LAMA3: variants seen among roughly 807,000 people sequenced by gnomAD.
LAMA3 encodes laminin subunit alpha 3.
A neutral mutation model predicts 402.0 loss-of-function variants in LAMA3; 281 were observed. The ratio of observed to expected loss-of-function variants is 0.70; its 90% CI spans 0.63 to 0.77. LAMA3 has a LOEUF of 0.77. Among genes scored for constraint, LAMA3 ranks in the 30% least tolerant of loss-of-function variants. LAMA3 has a pLI of 0.00. For synonymous variants in LAMA3, 1,431 were observed against 1,558.4 expected, an observed-to-expected ratio of 0.92 and a Z score of 1.93; for missense variants, 3,840 against 4,215.5, an observed-to-expected ratio of 0.91 and a Z score of 2.47.
At chr18:23,749,724 T>C (rs1333146508) in intron 4 of LAMA3, among the ~76,000 whole-genome samples, 178 bp downstream of exon 4, 1 of 152,144 alleles carries the variant, frequency 6.6e-6, no homozygotes, top group East Asian at 1.9e-4. Flanking sequence ...ATGAGCCAGG[T>C]TGGAAATTCT....
At chr18:23,863,796 A>T (rs765171218) in intron 35 of LAMA3, among the ~76,000 whole-genome samples, 10 of 152,096 alleles carry the variant, frequency 6.6e-5, no homozygotes, top group African/African-American at 9.7e-5. Flanking sequence ...TCCTTCTGTC[A>T]CTTCTTCCTT....
intron 25 of LAMA3, among the ~76,000 whole-genome samples, chr18:23,838,154 G>T (rs1056525138): frequency 6.6e-6 from 1 of 152,136 alleles, no homozygotes; most frequent in Non-Finnish European, 1.5e-5. Context: ...AGTCTCAGTG[G>T]TATTCACCAA....
At position 23,903,031 on chromosome 18, in the gene LAMA3, C is replaced by T. The variant is rs1174512482; in HGVS notation, c.6224C>T (p.Ser2075Phe). The T allele has an allele frequency of 1.9e-6, 3 of 1,609,002 alleles. No individual in the cohort carries two copies. The highest frequency in any genetic ancestry group is 2.2e-5 in the East Asian group (1 of 44,842). ...AIQRQVKEIN[S>F]LQSDFTKYLT... ...CAGAGACAAGTGAAAGAAATAAATT[C>T]CCTGCAGAGTGATTTCACCAAGTAT... Residue 2075 changes from serine (S) to phenylalanine (F), a missense_variant, in exon 49 of 75, where the codon TCC becomes TTC. Physicochemically the swap from Ser to Phe is radical, Grantham distance 155. This residue lies in a region of LAMA3 where 891 missense variants were observed against 857.5 expected (regional missense o/e 1.04). Coordinates refer to ENST00000313654, the MANE Select transcript of LAMA3 (RefSeq NM_198129.4).
chr18:23,751,089 G>T lies in LAMA3; in HGVS notation c.855+1G>T. On this transcript the variant is annotated splice_donor_variant, in intron 5 of 74. Transcript: ENST00000313654. LOFTEE classifies it high-confidence loss of function. ...GCGAGATCCAACTGTCACTCGGCGG[G>T]TGAGTAGTCAGAGCATTTGTTTTGT... The T allele has an allele frequency of 6.2e-7, 1 of 1,614,114 alleles. No homozygotes were observed. The highest frequency in any genetic ancestry group is 8.5e-7 in the Non-Finnish European group (1 of 1,179,970).
Position 23,931,097 on chromosome 18 carries a change from C to T in LAMA3, c.8472C>T (p.Tyr2824=). The T allele has an allele frequency of 6.2e-7, 1 of 1,613,732 alleles. No individual in the cohort carries two copies. The highest frequency in any genetic ancestry group is 2.2e-5 in the East Asian group (1 of 44,890). The change falls in exon 65 of 75, where the codon TAC becomes TAT. Residue 2824 remains tyrosine, a synonymous_variant. Transcript: ENST00000313654. ...TGCAGGTCACTCTGGAAGATGGTTA[C>T]ATTGAATTGAGCACCAGCGATAGCG... ...RNLQVTLEDG[Y]IELSTSDSGG...
chr18:23,952,415 T>C (rs2082948167), intron 73 of LAMA3, among the ~76,000 whole-genome samples: 1 of 152,238 alleles, frequency 6.6e-6, no homozygotes, highest in Non-Finnish European at 1.5e-5. Flanking sequence ...TCAAAAAGAA[T>C]CTGTTATTTT....
chr18:23,790,341 G>A (rs1431098057), intron 12 of LAMA3, among the ~76,000 whole-genome samples: 1 of 152,222 alleles, frequency 6.6e-6, no homozygotes, highest in East Asian at 1.9e-4. Flanking sequence ...CATCATAAGT[G>A]TAGAGAAAAT....
Position 23,839,674 on chromosome 18 carries a change from C to A in LAMA3, c.3192-111C>A. The A allele has an allele frequency of 9.0e-7, 1 of 1,116,106 alleles. No individual in the cohort carries two copies. The highest frequency in any genetic ancestry group is 1.4e-6 in the Non-Finnish European group (1 of 738,720). The allele number at this position is 1,116,106 out of a possible 1,614,324, so 69.1% of individuals were successfully genotyped here. ...TTCTGTGCTTCCCCCAGCACTGGAT[C>A]CTTTTGATGCCCATGCAGTCCTATG... On this transcript the variant is annotated intron_variant, in intron 26 of 74. Coordinates refer to ENST00000313654, the MANE Select transcript of LAMA3 (RefSeq NM_198129.4). The surrounding 1 kb of genome is among the most constrained non-coding windows in gnomAD (Gnocchi z 4.5).
intron 12 of LAMA3, among the ~76,000 whole-genome samples, chr18:23,788,899 T>G (rs972057368): frequency 5.3e-5 from 8 of 151,404 alleles, no homozygotes; most frequent in African/African-American, 1.7e-4. Flanking sequence ...TATACACACA[T>G]ATATATAATA....
chr18:23,899,657 C>A (rs1473173756), intron 47 of LAMA3: 1 of 540,602 alleles, frequency 1.8e-6, no homozygotes, highest in African/African-American at 1.9e-5. Flanking sequence ...TAACAGCTTA[C>A]CATCATGCAA....
At chr18:23,872,967 G>A (rs1598968741) in intron 38 of LAMA3, 1 of 1,581,570 alleles carries the variant, frequency 6.3e-7, no homozygotes, top group Non-Finnish European at 8.6e-7. Context: ...AGGCAGGCCC[G>A]GGCACTGAGC....
At chr18:23,812,224 T>G (rs952753628) in intron 13 of LAMA3, among the ~76,000 whole-genome samples, 2 of 152,124 alleles carry the variant, frequency 1.3e-5, no homozygotes, top group African/African-American at 4.8e-5. Flanking sequence ...TGCCTGTCAT[T>G]CCAGCTCCTC....
intron 18 of LAMA3, among the ~76,000 whole-genome samples, chr18:23,819,041 C>A (rs2063230983): frequency 6.6e-6 from 1 of 152,168 alleles, no homozygotes; most frequent in East Asian, 1.9e-4. Context: ...TTGTAAATTG[C>A]TTCCAGAAAA....
chr18:23,741,974 TA>T (rs1042689722), intron 2 of LAMA3, among the ~76,000 whole-genome samples: 48 of 152,092 alleles, frequency 3.2e-4, no homozygotes, highest in African/African-American at 1.1e-3. Flanking sequence ...ATACAAAAAT[TA>T]GCTGGGCATG....
At chr18:23,735,903 G>A (rs1442240810) in intron 2 of LAMA3, among the ~76,000 whole-genome samples, 2 of 152,090 alleles carry the variant, frequency 1.3e-5, no homozygotes, top group Non-Finnish European at 2.9e-5. Flanking sequence ...GGGTGTATCA[G>A]CAACTACAAC....
chr18:23,938,292 T>C (rs1319617551), intron 67 of LAMA3, among the ~76,000 whole-genome samples: 1 of 152,194 alleles, frequency 6.6e-6, no homozygotes, highest in East Asian at 1.9e-4. Context: ...TTGCTTTGAC[T>C]GATGGAGATC....
In LAMA3 at chr18:23,901,168, G is replaced by A. The variant is rs2081057082; in HGVS notation, c.6046G>A (p.Glu2016Lys). The change falls in exon 48 of 75, where the codon GAG (glutamate) becomes AAG (lysine). Residue 2016 changes from glutamate to lysine, a missense_variant. Transcript: ENST00000313654. ...GACCTGGCAGAAAACCCACCAGGGG[G>A]AGAACAATGGGCTTGCTAACAGTAT... ...IRTWQKTHQG[E>K]NNGLANSIRD... 6.2e-7 allele frequency: 1 copy of A among 1,614,200 alleles called. No homozygotes were observed. The highest frequency in any genetic ancestry group is 2.2e-5 in the East Asian group (1 of 44,890).
Position 23,950,133 on chromosome 18 carries a change from T to G in LAMA3, c.9616T>G (p.Leu3206Val). ...IHIGSQPGKH[L>V]CVYLEAGKVT... The stretch of plus-strand genomic sequence containing the variant: ...CATCGGAAGTCAGCCCGGGAAGCAC[T>G]TATGTGTTTACCTGGAGGCAGGAAA... The change falls in exon 72 of 75, where the codon TTA (leucine) becomes GTA (valine). Residue 3206 changes from leucine to valine, a missense_variant. This residue lies in a region of LAMA3 where 840 missense variants were observed against 981.9 expected (regional missense o/e 0.86). Transcript: ENST00000313654. 1 of 1,614,124 alleles carries G rather than the reference T, an allele frequency of 6.2e-7. No homozygotes were observed. The highest frequency in any genetic ancestry group is 8.5e-7 in the Non-Finnish European group (1 of 1,180,024).
intron 24 of LAMA3, chr18:23,834,394 C>G: frequency 5.0e-6 from 1 of 201,376 alleles, no homozygotes. Context: ...TGCACACCTA[C>G]CTTTGCAACA....
Sources: allele counts gnomAD v4.1 joint callset (sites outside exome capture counted in the v4.1 genomes callset), GRCh38; gene constraint gnomAD v4.1.1; regional missense constraint gnomAD v4.1.1; non-coding constraint Gnocchi (gnomAD v3.1); transcripts MANE v1.5; gene names NCBI Gene and HGNC (gene_info 2026-07-23, HGNC 2026-07-21).